SIM1: variants seen among roughly 807,000 people sequenced by gnomAD.
SIM1 encodes the protein single-minded homolog 1.
In SIM1, 18 loss-of-function variants were observed where a neutral mutation model predicts 78.2. That is an observed-to-expected ratio of 0.23 (90% CI 0.16 to 0.34). The LOEUF (loss-of-function observed/expected upper bound fraction) is 0.34, where lower values mean the gene tolerates loss of function less well. Among genes scored for constraint, SIM1 ranks in the 10% least tolerant of loss-of-function variants. The pLI, the probability that SIM1 is intolerant of heterozygous loss-of-function variation, is 1.00. For missense variants in SIM1, 939 were observed against 975.1 expected (o/e 0.96, Z 0.49); for synonymous variants, 417 against 385.2 (o/e 1.08, Z -0.97).
intron 10 of SIM1, 107 bp from the exon 11 acceptor site, chr6:100,393,996 G>T (rs529058648): frequency 1.0e-5 from 12 of 1,188,990 alleles, no homozygotes; most frequent in South Asian, 3.4e-5. Flanking sequence ...CACCCTTAAG[G>T]TCTCATTGTC....
chr6:100,447,227 G>A (rs1562254263), intron 9 of SIM1, 41 bp downstream of exon 9: 1 of 1,600,208 alleles, frequency 6.2e-7, no homozygotes, highest in Non-Finnish European at 8.5e-7. Flanking sequence ...AGAGAGCAGG[G>A]TCGCCTGGGG....
intron 2 of SIM1, chr6:100,462,928 C>A (rs1039412582): frequency 2.2e-5 from 4 of 183,388 alleles, no homozygotes; most frequent in Non-Finnish European, 4.5e-5. Context: ...AGGCGGTGCT[C>A]CTGGTTTTTA....
At chr6:100,416,568 CAA>C (rs1298354969) in intron 10 of SIM1, among the ~76,000 whole-genome samples, 1 of 151,698 alleles carries the variant, frequency 6.6e-6, no homozygotes, top group East Asian at 1.9e-4. Context: ...ATGTAGATAA[CAA>C]AAAAGACTGC....
At chr6:100,446,367 A>G (rs1772354719) in intron 9 of SIM1, among the ~76,000 whole-genome samples, 1 of 152,158 alleles carries the variant, frequency 6.6e-6, no homozygotes, top group South Asian at 2.1e-4. Context: ...AAAGTAAACA[A>G]CCCATGAGAT....
intron 10 of SIM1, among the ~76,000 whole-genome samples, chr6:100,404,537 C>T (rs1191459099): frequency 6.6e-6 from 1 of 151,808 alleles, no homozygotes; most frequent in African/African-American, 2.4e-5. Flanking sequence ...TTTTAAATCA[C>T]TTTTATCTTT....
chr6:100,452,387 A>G (rs1772535003), intron 3 of SIM1, among the ~76,000 whole-genome samples: 1 of 152,142 alleles, frequency 6.6e-6, no homozygotes, highest in Non-Finnish European at 1.5e-5. Flanking sequence ...AGGGCTTTCC[A>G]TCTGGCATGC....
chr6:100,462,488 G>C (rs1218058797), intron 2 of SIM1: 1 of 152,204 alleles, frequency 6.6e-6, no homozygotes, highest in Non-Finnish European at 1.5e-5. Context: ...AGTGAATCTT[G>C]ATAATCTAAA....
At chr6:100,423,293 A>G (rs145903560) in intron 9 of SIM1, among the ~76,000 whole-genome samples, 1 of 152,020 alleles carries the variant, frequency 6.6e-6, no homozygotes, top group East Asian at 1.9e-4. Context: ...AACCTGTAAA[A>G]CTCTTCTTAA....
At chr6:100,414,673 T>G (rs943247990) in intron 10 of SIM1, among the ~76,000 whole-genome samples, 1 of 152,208 alleles carries the variant, frequency 6.6e-6, no homozygotes, top group Non-Finnish European at 1.5e-5. Context: ...ATTACACATT[T>G]GGGTGTTACA....
chr6:100,415,916 A>G (rs576146057), intron 10 of SIM1, among the ~76,000 whole-genome samples: 2 of 152,310 alleles, frequency 1.3e-5, no homozygotes, highest in East Asian at 3.9e-4. Flanking sequence ...AATGGGCCCC[A>G]GTAAAACAGG....
intron 10 of SIM1, among the ~76,000 whole-genome samples, chr6:100,408,874 T>C (rs1771120311): frequency 6.6e-6 from 1 of 152,118 alleles, no homozygotes; most frequent in Admixed American, 6.5e-5. Flanking sequence ...TCATTTTCTT[T>C]TCTTGTGGTG....
In SIM1 at chr6:100,449,651, G is replaced by T; in HGVS notation, c.397C>A (p.His133Asn). ...GTGAGCACCGCCGTCATCTCGTCGTGGTCTGCCGGGTGAATGTATTCATAA... is the reference window on the plus strand; with the variant it reads ...GTGAGCACCGCCGTCATCTCGTCGTTGTCTGCCGGGTGAATGTATTCATAA... Reference protein sequence around the residue: ...SIYEYIHPADHDEMTAVLTAH... With the variant: ...SIYEYIHPADNDEMTAVLTAH... Residue 133 changes from histidine to asparagine, a missense_variant, in exon 5 of 12, where the codon CAC (histidine) becomes AAC (asparagine). Transcript: ENST00000369208. The T allele has an allele frequency of 6.2e-7, 1 of 1,614,092 alleles. No homozygotes were observed. The highest frequency in any genetic ancestry group is 8.5e-7 in the Non-Finnish European group (1 of 1,180,048).
chr6:100,413,951 T>C (rs962645621), intron 10 of SIM1, among the ~76,000 whole-genome samples: 4 of 152,242 alleles, frequency 2.6e-5, no homozygotes, highest in Middle Eastern at 3.2e-3. Context: ...ACCATGCATA[T>C]TCACTCAGCA....
chr6:100,414,957 AG>A (rs1771360925), intron 10 of SIM1, among the ~76,000 whole-genome samples: 1 of 152,236 alleles, frequency 6.6e-6, no homozygotes, highest in Non-Finnish European at 1.5e-5. Context: ...AAAATCTGCA[AG>A]TGTTACAGTG....
intron 9 of SIM1, among the ~76,000 whole-genome samples, chr6:100,443,303 A>G (rs570946485): frequency 2.4e-4 from 37 of 152,238 alleles, no homozygotes; most frequent in African/African-American, 8.9e-4. Flanking sequence ...TTTTCTAGGA[A>G]AGCAATGTTC....
At chr6:100,410,842 T>A (rs1009386757) in intron 10 of SIM1, among the ~76,000 whole-genome samples, 7 of 152,220 alleles carry the variant, frequency 4.6e-5, no homozygotes, top group African/African-American at 1.7e-4. Context: ...CTAAATGTGA[T>A]GTCCTCTTCC....
chr6:100,425,221 C>T (rs1038219376), intron 9 of SIM1, among the ~76,000 whole-genome samples: 1 of 152,134 alleles, frequency 6.6e-6, no homozygotes, highest in Non-Finnish European at 1.5e-5. Context: ...CTGAGGCCTC[C>T]CCAGACATGT....
In SIM1 at chr6:100,458,006, T is replaced by TTCTCTCTCTCCCTCTCTCTC. The variant is rs1772719670; in HGVS notation, c.176-4163_176-4162insGAGAGAGAGGGAGAGAGAGA. On this transcript the variant is annotated intron_variant, in intron 2 of 11. Transcript: ENST00000369208. ...GTCACACCGCTGTCTGTCTCTCTCT[T>TTCTCTCTCTCCCTCTCTCTC]TCTCTCTCTCTCTCTCTCTCTCTCT... Among the ~76,000 whole-genome samples, 5 of 90,308 alleles carry TTCTCTCTCTCCCTCTCTCTC rather than the reference T, an allele frequency of 5.5e-5. 1 individual carries two copies. The highest frequency in any genetic ancestry group is 1.2e-4 in the Non-Finnish European group (5 of 40,540). The allele number at this position is 90,308 out of a possible 152,430, so 59.2% of individuals were successfully genotyped here.
At chr6:100,403,109 C>T (rs1407678943) in intron 10 of SIM1, among the ~76,000 whole-genome samples, 2 of 152,134 alleles carry the variant, frequency 1.3e-5, no homozygotes, top group African/African-American at 4.8e-5. Context: ...ATACTGTGCA[C>T]CTTAATTTAC....
Sources: allele counts gnomAD v4.1 joint callset (sites outside exome capture counted in the v4.1 genomes callset), GRCh38; gene constraint gnomAD v4.1.1; transcripts MANE v1.5; gene names NCBI Gene and HGNC (gene_info 2026-07-23, HGNC 2026-07-21).